RILP: variants seen among roughly 807,000 people sequenced by gnomAD.
The protein encoded by RILP is rab-interacting lysosomal protein.
Under a neutral mutation model 40.0 loss-of-function variants are expected in RILP, and 53 were observed. The ratio of observed to expected loss-of-function variants is 1.32; its 90% CI spans 1.06 to 1.66. The LOEUF is 1.66. Among genes scored for constraint, RILP ranks in the 40% most tolerant of loss-of-function variants. RILP has a pLI of 0.00. For missense variants in RILP, 626 were observed against 551.7 expected (o/e 1.13, Z -1.35); for synonymous variants, 272 against 250.6 (o/e 1.09, Z -0.80).
At position 1,649,782 on chromosome 17, in the gene RILP, G is replaced by A; in HGVS notation, c.23C>T (p.Pro8Leu). 4 of 1,557,952 alleles carry A rather than the reference G, an allele frequency of 2.6e-6. No homozygotes were observed. In the South Asian group the frequency reaches 4.7e-5, roughly 18 times the overall value. The change falls in exon 1 of 8, where the codon CCC becomes CTC. Residue 8 changes from proline (P) to leucine (L), a missense_variant. Transcript: ENST00000301336. This position sits in a 1 kb window ranked among gnomAD's most constrained non-coding sequence, Gnocchi z 4.3. ...CCGAGACCCCCAGCCAGGCACCCCG[G>A]GCGCCGCCCTCCTGGGCTCCATGTC... MEPRRAA[P>L]GVPGWGSREA...
chr17:1,646,853 C>G lies in RILP; in HGVS notation c.1028+53G>C. 1 of 1,370,226 alleles carries G rather than the reference C, an allele frequency of 7.3e-7. No homozygotes were observed. Among genetic ancestry groups the G allele is most frequent in the East Asian group, 2.4e-5 (1 of 41,668 alleles). 84.9% of individuals were successfully genotyped at this position (1,370,226 alleles called of 1,614,324 possible). A position where few individuals can be genotyped will look rare whatever the true frequency, so the allele number is the denominator to read the frequency against. ...AAAGGGGATCCTGAGAAGGACCAGC[C>G]AGGGCCCTTCCTCCCTCCCCACACT... On this transcript the variant is annotated intron_variant, in intron 7 of 7. Coordinates refer to ENST00000301336, the MANE Select transcript of RILP (RefSeq NM_031430.3). This position sits in a 1 kb window ranked among gnomAD's most constrained non-coding sequence, Gnocchi z 4.3.
Position 1,649,459 on chromosome 17 carries a change from C to G in RILP, c.275G>C (p.Arg92Pro), listed in dbSNP as rs1328549887. The G allele has an allele frequency of 6.6e-7, 1 of 1,511,230 alleles. No homozygotes were observed. Among genetic ancestry groups the G allele is most frequent in the Admixed American group, 2.0e-5 (1 of 48,828 alleles). The allele number at this position is 1,511,230 out of a possible 1,614,324, so 93.6% of individuals were successfully genotyped here. A position where few individuals can be genotyped will look rare whatever the true frequency, so the allele number is the denominator to read the frequency against. ...CCTGCGGAGGCGCTCGTTCTCCTCCCGCAGCCGCCGCAGCTCCTGCTCCGC... is the reference window on the plus strand; with the variant it reads ...CCTGCGGAGGCGCTCGTTCTCCTCCGGCAGCCGCCGCAGCTCCTGCTCCGC... ...QPAEQELRRLREENERLRREL... is the reference protein window; with the variant it reads ...QPAEQELRRLPEENERLRREL... Residue 92 changes from arginine to proline, a missense_variant, in exon 2 of 8, where the codon CGG becomes CCG. Arg to Pro is a moderately radical substitution (Grantham distance 103). Transcript: ENST00000301336. The surrounding 1 kb of genome is among the most constrained non-coding windows in gnomAD (Gnocchi z 4.3).
rs771774345 is a variant in RILP, at chr17:1,647,919, A to G, written c.860T>C (p.Leu287Pro). 4 of 1,614,088 alleles carry G rather than the reference A, an allele frequency of 2.5e-6. No individual in the cohort carries two copies. The Admixed American group carries it at 6.7e-5, about 27-fold the overall frequency. Residue 287 changes from leucine to proline, a missense_variant, in exon 6 of 8, where the codon CTC becomes CCC. Coordinates refer to ENST00000301336, the MANE Select transcript of RILP (RefSeq NM_031430.3). ...CCGGACAGCCACCTTCATGGCCTCG[A>G]GCAGAAGGCCGGGGACCCGGTGGTC... ...LTDHRVPGLL[L>P]EAMKVAVRKQ...
intron 6 of RILP, among the ~76,000 whole-genome samples, chr17:1,647,284 C>T (rs1367973148): frequency 6.6e-6 from 1 of 152,074 alleles, no homozygotes; most frequent in Non-Finnish European, 1.5e-5. Context: ...GGATTATAGG[C>T]ACATGCCACC....
intron 6 of RILP, among the ~76,000 whole-genome samples, chr17:1,647,287 A>C (rs1300967062): frequency 1.3e-5 from 2 of 152,006 alleles, no homozygotes; most frequent in Non-Finnish European, 1.5e-5. Flanking sequence ...TTATAGGCAC[A>C]TGCCACCATG....
chr17:1,648,288 T>A lies in RILP; in HGVS notation c.821+62A>T. ...GGCCTGGCACATGTCACTGTGGACATGTCAATGACTGGAGAATGAGGTGGG... is the reference window on the plus strand; with the variant it reads ...GGCCTGGCACATGTCACTGTGGACAAGTCAATGACTGGAGAATGAGGTGGG... On this transcript the variant is annotated intron_variant, in intron 5 of 7. Transcript: ENST00000301336. This position sits in a 1 kb window ranked among gnomAD's most constrained non-coding sequence, Gnocchi z 4.9. 1.9e-6 allele frequency: 3 copies of A among 1,574,938 alleles called. No homozygotes were observed. The highest frequency in any genetic ancestry group is 1.7e-6 in the Non-Finnish European group (2 of 1,158,892).
rs909633085 is a variant in RILP, at chr17:1,646,971, T to C, written c.963A>G (p.Pro321=). ...CCTTGTCATCGGAGAGCAGGATCCA[T>C]GGGCCAGCCTCATCCTCACTGAGAC... ...EAESSEDEAG[P]WILLSDDKGD... is the part of the protein sequence containing the mutation. Residue 321 remains proline (P), a synonymous_variant, in exon 7 of 8, where the codon CCA becomes CCG. Coordinates refer to ENST00000301336, the MANE Select transcript of RILP (RefSeq NM_031430.3). This position sits in a 1 kb window ranked among gnomAD's most constrained non-coding sequence, Gnocchi z 4.3. 2 of 1,607,752 alleles carry C rather than the reference T, an allele frequency of 1.2e-6. No homozygotes were observed. Among genetic ancestry groups the C allele is most frequent in the African/African-American group, 1.3e-5 (1 of 74,666 alleles).
Position 1,648,418 on chromosome 17 carries a change from G to T in RILP, c.753C>A (p.Ile251=), listed in dbSNP as rs1484273084. ...CRFSREEFEQ[I]LQERNELKAK... ...CTTTGAGTTCATTCCGCTCCTGAAG[G>T]ATCTGCTCAAACTCCTCCCGACTGA... Residue 251 remains isoleucine, a synonymous_variant, in exon 5 of 8, where the codon ATC becomes ATA. Coordinates refer to ENST00000301336, the MANE Select transcript of RILP (RefSeq NM_031430.3). This position sits in a 1 kb window ranked among gnomAD's most constrained non-coding sequence, Gnocchi z 4.9. 1.2e-5 allele frequency: 19 copies of T among 1,614,158 alleles called. No homozygotes were observed. Among genetic ancestry groups the T allele is most frequent in the Non-Finnish European group, 1.6e-5 (19 of 1,180,026 alleles).
Position 1,649,476 on chromosome 17 carries a change from C to G in RILP, c.258G>C (p.Gln86His). 4 of 1,512,672 alleles carry G rather than the reference C, an allele frequency of 2.6e-6. No homozygotes were observed. Among genetic ancestry groups the G allele is most frequent in the South Asian group, 1.2e-5 (1 of 82,092 alleles). The allele number at this position is 1,512,672 out of a possible 1,614,324, so 93.7% of individuals were successfully genotyped here. Residue 86 changes from glutamine (Q) to histidine (H), a missense_variant, in exon 2 of 8, where the codon CAG (glutamine) becomes CAC (histidine). Gln to His is a conservative substitution (Grantham distance 24). Transcript: ENST00000301336. This position sits in a 1 kb window ranked among gnomAD's most constrained non-coding sequence, Gnocchi z 4.3. The stretch of plus-strand genomic sequence containing the variant: ...TCTCCTCCCGCAGCCGCCGCAGCTC[C>G]TGCTCCGCCGGCTGCGCCGACACCT... Reference protein sequence around the residue: ...SLQVSAQPAEQELRRLREENE... With the variant: ...SLQVSAQPAEHELRRLREENE...
At position 1,648,256 on chromosome 17, in the gene RILP, C is replaced by A; in HGVS notation, c.821+94G>T. The A allele has an allele frequency of 6.8e-7, 1 of 1,472,936 alleles. No homozygotes were observed. Among genetic ancestry groups the A allele is most frequent in the East Asian group, 2.4e-5 (1 of 42,414 alleles). The allele number at this position is 1,472,936 out of a possible 1,614,324, so 91.2% of individuals were successfully genotyped here. ...GTACAATTCATGTCCTCCCAGTTCC[C>A]AGCGCAGGCCTGGCACATGTCACTG... On this transcript the variant is annotated intron_variant, in intron 5 of 7. Transcript: ENST00000301336. The surrounding 1 kb of genome is among the most constrained non-coding windows in gnomAD (Gnocchi z 4.9).
At position 1,646,299 on chromosome 17, in the gene RILP, G is replaced by T; in HGVS notation, c.*143C>A. 1 of 706,092 alleles carries T rather than the reference G, an allele frequency of 1.4e-6. No homozygotes were observed. The allele number at this position is 706,092 out of a possible 1,614,324, so 43.7% of individuals were successfully genotyped here. A position where few individuals can be genotyped will look rare whatever the true frequency, so the allele number is the denominator to read the frequency against. ...TATCTGGCCCCAGAGGCTCGGTACA[G>T]AGACGTAGAGAGGGAGGCGGGCTGA... On this transcript the variant is annotated 3_prime_UTR_variant, in exon 8 of 8. Coordinates refer to ENST00000301336, the MANE Select transcript of RILP (RefSeq NM_031430.3). The surrounding 1 kb of genome is among the most constrained non-coding windows in gnomAD (Gnocchi z 4.3).
Position 1,647,860 on chromosome 17 carries a change from C to G in RILP, c.919G>C (p.Gly307Arg). 1 of 1,614,164 alleles carries G rather than the reference C, an allele frequency of 6.2e-7. No homozygotes were observed. The highest frequency in any genetic ancestry group is 8.5e-7 in the Non-Finnish European group (1 of 1,180,018). Residue 307 changes from glycine (G) to arginine (R), a missense_variant, in exon 6 of 8, where the codon GGG (glycine) becomes CGG (arginine). Transcript: ENST00000301336. Reference protein sequence around the residue: ...QRKKIKAKMLGTPEEAESSED... With the variant: ...QRKKIKAKMLRTPEEAESSED... ...CTGCTCTCTGCTTCCTCTGGTGTCC[C>G]TAACATCTTGGCCTTGATCTTCTTC...
chr17:1,649,733 G>C lies in RILP; in HGVS notation c.72C>G (p.Ala24=). The stretch of plus-strand genomic sequence containing the variant: ...CGGCTAGATGGTACACAAGCTCCGC[G>C]GCCGATGCCGACCCCGCGGCCTCCC... The part of the protein sequence containing the change: ...GSREAAGSAS[A]AELVYHLAGA... The change falls in exon 1 of 8, where the codon GCC becomes GCG. Residue 24 remains alanine (A), a synonymous_variant. Coordinates refer to ENST00000301336, the MANE Select transcript of RILP (RefSeq NM_031430.3). This position sits in a 1 kb window ranked among gnomAD's most constrained non-coding sequence, Gnocchi z 4.3. 6.3e-7 allele frequency: 1 copy of C among 1,590,528 alleles called. No homozygotes were observed. The highest frequency in any genetic ancestry group is 8.5e-7 in the Non-Finnish European group (1 of 1,175,862).
chr17:1,649,419 C>A lies in RILP; in HGVS notation c.315G>T (p.Gly105=), dbSNP rs754629144. The change falls in exon 2 of 8, where the codon GGG becomes GGT. Residue 105 remains glycine (G), a synonymous_variant. Transcript: ENST00000301336. The surrounding 1 kb of genome is among the most constrained non-coding windows in gnomAD (Gnocchi z 4.3). ...GGCCGGGGCTGCGCTTACCCTGTGG[C>A]CCCGCGCGCAGCTCCCTGCGGAGGC... ...NERLRRELRA[G]PQEERALLRQ... 6.6e-7 allele frequency: 1 copy of A among 1,506,618 alleles called. No homozygotes were observed. The highest frequency in any genetic ancestry group is 1.2e-5 in the South Asian group (1 of 81,390). The allele number at this position is 1,506,618 out of a possible 1,614,324, so 93.3% of individuals were successfully genotyped here.
Position 1,646,385 on chromosome 17 carries a change from G to A in RILP, c.*57C>T, listed in dbSNP as rs566985780. ...GCAGACCCCTGGCGAGGGCTGTGAA[G>A]GCGGGAGCCCTGTCCTCATTTGAGG... On this transcript the variant is annotated 3_prime_UTR_variant, in exon 8 of 8. Transcript: ENST00000301336. This position sits in a 1 kb window ranked among gnomAD's most constrained non-coding sequence, Gnocchi z 4.3. The A allele has an allele frequency of 3.4e-5, 51 of 1,487,944 alleles. No homozygotes were observed. The East Asian group carries it at 1.0e-3, about 30-fold the overall frequency. 92.2% of individuals were successfully genotyped at this position (1,487,944 alleles called of 1,614,324 possible).
At position 1,646,360 on chromosome 17, in the gene RILP, G is replaced by T; in HGVS notation, c.*82C>A. Reference sequence around the variant, plus strand: ...TGCCCTGATGCAGGCCAGGATTGGGGCAGACCCCTGGCGAGGGCTGTGAAG... The same window carrying T: ...TGCCCTGATGCAGGCCAGGATTGGGTCAGACCCCTGGCGAGGGCTGTGAAG... On this transcript the variant is annotated 3_prime_UTR_variant, in exon 8 of 8. Transcript: ENST00000301336. The surrounding 1 kb of genome is among the most constrained non-coding windows in gnomAD (Gnocchi z 4.3). 7.3e-7 allele frequency: 1 copy of T among 1,368,194 alleles called. No homozygotes were observed. Among genetic ancestry groups the T allele is most frequent in the Non-Finnish European group, 9.9e-7 (1 of 1,007,650 alleles). 84.8% of individuals were successfully genotyped at this position (1,368,194 alleles called of 1,614,324 possible).
Position 1,649,311 on chromosome 17 carries a change from G to A in RILP, c.323-5C>T, listed in dbSNP as rs1910821393. The A allele has an allele frequency of 2.0e-6, 3 of 1,501,480 alleles. No individual in the cohort carries two copies. The highest frequency in any genetic ancestry group is 4.2e-5 in the Admixed American group (2 of 47,930). The allele number at this position is 1,501,480 out of a possible 1,614,324, so 93.0% of individuals were successfully genotyped here. A position where few individuals can be genotyped will look rare whatever the true frequency, so the allele number is the denominator to read the frequency against. On this transcript the variant is annotated splice_region_variant and splice_polypyrimidine_tract_variant and intron_variant, in intron 2 of 7. Coordinates refer to ENST00000301336, the MANE Select transcript of RILP (RefSeq NM_031430.3). This position sits in a 1 kb window ranked among gnomAD's most constrained non-coding sequence, Gnocchi z 4.3. ...GCCGCAGCAGCGCGCGCTCCTCTGA[G>A]GAAGGGGCGTTCTTAGCGGCGGCGG... is the stretch of plus-strand genomic sequence containing the variant.
At chr17:1,647,165 G>T (rs1910649362) in intron 6 of RILP, among the ~76,000 whole-genome samples, 176 bp from the exon 7 acceptor site, 1 of 151,638 alleles carries the variant, frequency 6.6e-6, no homozygotes, top group African/African-American at 2.4e-5. Context: ...TTTGAGACAG[G>T]GTCTCACTCT....
chr17:1,648,787 T>C lies in RILP; in HGVS notation c.675+12A>G, dbSNP rs368877769. 3.3e-6 allele frequency: 5 copies of C among 1,500,736 alleles called. No homozygotes were observed. Among genetic ancestry groups the C allele is most frequent in the African/African-American group, 1.4e-5 (1 of 70,924 alleles). 93.0% of individuals were successfully genotyped at this position (1,500,736 alleles called of 1,614,324 possible). A position where few individuals can be genotyped will look rare whatever the true frequency, so the allele number is the denominator to read the frequency against. ...GTCCTGGGCTGGGTCCTTGCCCTCA[T>C]ACGGCACTCACCGGGTCCTCAGGGT... On this transcript the variant is annotated intron_variant, in intron 4 of 7. Transcript: ENST00000301336. The surrounding 1 kb of genome is among the most constrained non-coding windows in gnomAD (Gnocchi z 4.9).
Sources: gnomAD v4.1 joint callset for allele counts (sites outside exome capture counted in the v4.1 genomes callset) on GRCh38, gnomAD v4.1.1 for gene constraint, Gnocchi (gnomAD v3.1) non-coding constraint, MANE v1.5 for transcripts, NCBI Gene and HGNC (gene_info 2026-07-23, HGNC 2026-07-21) for gene names.